The following BNC2 variants were observed in gnomAD, a reference collection of about 807,000 sequenced individuals.
The protein encoded by BNC2 is zinc finger protein basonuclin-2.
BNC2 carries 20 observed loss-of-function variants against 76.3 expected under a neutral mutation model. The ratio of observed to expected loss-of-function variants is 0.26; its 90% CI spans 0.18 to 0.38. The LOEUF is 0.38. BNC2 is among the 10% of genes least tolerant of loss of function. The pLI is 1.00. For synonymous variants in BNC2, 582 were observed against 514.8 expected (o/e 1.13, Z -1.77); for missense variants, 1,382 against 1,399.8 (o/e 0.99, Z 0.20).
At chr9:16,549,816 A>C (rs1463448992) in intron 5 of BNC2, among the ~76,000 whole-genome samples, 1 of 152,172 alleles carries the variant, frequency 6.6e-6, no homozygotes, top group Non-Finnish European at 1.5e-5. Flanking sequence ...TAAATGCTGA[A>C]TGACAAAAAC....
At chr9:16,669,680 C>A (rs1439616883) in intron 3 of BNC2, among the ~76,000 whole-genome samples, 1 of 152,188 alleles carries the variant, frequency 6.6e-6, no homozygotes, top group Admixed American at 6.5e-5. Context: ...GTGTTCCTTC[C>A]ATCTACCTGC....
intron 1 of BNC2, among the ~76,000 whole-genome samples, chr9:16,804,872 G>C (rs1012640743): frequency 6.6e-6 from 1 of 152,120 alleles, no homozygotes; most frequent in East Asian, 1.9e-4. Flanking sequence ...GACCAGCCTG[G>C]CCAATACAGT....
At chr9:16,492,668 G>T (rs1365166854) in intron 5 of BNC2, among the ~76,000 whole-genome samples, 1 of 151,640 alleles carries the variant, frequency 6.6e-6, no homozygotes, top group African/African-American at 2.4e-5. Flanking sequence ...TACAGGTTAT[G>T]CATCGAATAA....
chr9:16,490,373 G>T (rs982426436), intron 5 of BNC2, among the ~76,000 whole-genome samples: 1 of 152,018 alleles, frequency 6.6e-6, no homozygotes, highest in African/African-American at 2.4e-5. Context: ...GGAACGACCA[G>T]CCCCCATGAT....
At chr9:16,751,664 ATGTATGTG>A (rs1825209164) in intron 1 of BNC2, among the ~76,000 whole-genome samples, 5 of 76,594 alleles carry the variant, frequency 6.5e-5, no homozygotes, top group East Asian at 3.8e-4. Flanking sequence ...ATATATATGT[ATGTATGTG>A]TATATATATA....
intron 5 of BNC2, among the ~76,000 whole-genome samples, chr9:16,455,714 C>CCT (rs1821433580): frequency 6.6e-6 from 1 of 151,974 alleles, no homozygotes; most frequent in Non-Finnish European, 1.5e-5. Flanking sequence ...ATCGCTTGAA[C>CCT]CCAGGAGATG....
chr9:16,755,858 G>A (rs556064340), intron 1 of BNC2, among the ~76,000 whole-genome samples: 2 of 152,216 alleles, frequency 1.3e-5, no homozygotes, highest in South Asian at 2.1e-4. Context: ...ATCCTTCTCC[G>A]CTTTTCTTAG....
At chr9:16,653,995 G>C (rs181803260) in intron 3 of BNC2, among the ~76,000 whole-genome samples, 19 of 151,986 alleles carry the variant, frequency 1.3e-4, no homozygotes, top group Middle Eastern at 3.4e-3. Flanking sequence ...GTACAGAGGC[G>C]GGTGTTCTAC....
In BNC2 at chr9:16,593,697, G is replaced by A. The variant is rs192517005; in HGVS notation, c.331-10612C>T. Among the ~76,000 whole-genome samples, 14 of 151,896 alleles carry A rather than the reference G, an allele frequency of 9.2e-5. No homozygotes were observed. The East Asian group carries it at 2.7e-3, about 29-fold the overall frequency. ...TAACAATTAAGATACTCCATTTATT[G>A]CCTGTATACTTACAAATTTTACAGG... On this transcript the variant is annotated intron_variant, in intron 3 of 6. Coordinates refer to ENST00000380672, the MANE Select transcript of BNC2 (RefSeq NM_017637.6).
At chr9:16,603,779 G>C (rs1238295308) in intron 3 of BNC2, among the ~76,000 whole-genome samples, 1 of 151,820 alleles carries the variant, frequency 6.6e-6, no homozygotes, top group African/African-American at 2.4e-5. Context: ...CATAACCTTG[G>C]CTGATTTTAT....
At chr9:16,711,427 G>C (rs887373606) in intron 3 of BNC2, among the ~76,000 whole-genome samples, 2 of 152,126 alleles carry the variant, frequency 1.3e-5, no homozygotes, top group Non-Finnish European at 2.9e-5. Context: ...CACTTAAAAA[G>C]TTTTTGAAAG....
chr9:16,587,747 A>G (rs998978771), intron 3 of BNC2, among the ~76,000 whole-genome samples: 4 of 152,028 alleles, frequency 2.6e-5, no homozygotes, highest in Non-Finnish European at 1.5e-5. Flanking sequence ...CTCAATCCCT[A>G]CTTCTCCAAC....
At chr9:16,573,655 C>G (rs1419650438) in intron 4 of BNC2, among the ~76,000 whole-genome samples, 1 of 152,094 alleles carries the variant, frequency 6.6e-6, no homozygotes, top group South Asian at 2.1e-4. Context: ...CCCATGAGGT[C>G]AAAGTGGGGA....
intron 5 of BNC2, among the ~76,000 whole-genome samples, chr9:16,487,834 G>A (rs774029164): frequency 6.6e-6 from 1 of 152,112 alleles, no homozygotes; most frequent in Non-Finnish European, 1.5e-5. Context: ...TCTCTTCCTC[G>A]AATGTCTGTG....
intron 3 of BNC2, among the ~76,000 whole-genome samples, chr9:16,611,003 C>G (rs557004252): frequency 6.6e-6 from 1 of 152,008 alleles, no homozygotes; most frequent in African/African-American, 2.4e-5. Flanking sequence ...AGCATGAAAA[C>G]AATTTATGAA....
rs781688344 is a variant in BNC2 at position 16,435,638 on chromosome 9, G to A, written c.2556C>T (p.Tyr852=). 9.9e-6 allele frequency: 16 copies of A among 1,613,996 alleles called. No individual in the cohort carries two copies. Among genetic ancestry groups the A allele is most frequent in the Non-Finnish European group, 1.4e-5 (16 of 1,180,022 alleles). The part of the protein sequence containing the change: ...FKSSYSVKLH[Y]RNVHLKEMHV... The stretch of plus-strand genomic sequence containing the variant: ...GCATCTCTTTCAAGTGAACGTTCCT[G>A]TAGTGAAGTTTCACACTGTAGGAGC... Residue 852 remains tyrosine (Y), a synonymous_variant, in exon 6 of 7, where the codon TAC becomes TAT. Coordinates refer to ENST00000380672, the MANE Select transcript of BNC2 (RefSeq NM_017637.6).
chr9:16,780,658 C>A, intron 1 of BNC2, among the ~76,000 whole-genome samples: 1 of 152,000 alleles, frequency 6.6e-6, no homozygotes, highest in Middle Eastern at 3.4e-3. Flanking sequence ...GCTTTTTTAA[C>A]ACTTATTGGT....
chr9:16,582,756 G>A (rs557891212), intron 4 of BNC2, among the ~76,000 whole-genome samples: 2 of 152,280 alleles, frequency 1.3e-5, no homozygotes, highest in Non-Finnish European at 2.9e-5. Context: ...TAAACATCTT[G>A]GCCTTCTGCT....
chr9:16,599,005 T>G (rs1477714761), intron 3 of BNC2, among the ~76,000 whole-genome samples: 1 of 152,224 alleles, frequency 6.6e-6, no homozygotes, highest in African/African-American at 2.4e-5. Context: ...CAAGGACATG[T>G]AAAACTTTAG....
Sources: allele counts gnomAD v4.1 joint callset (sites outside exome capture counted in the v4.1 genomes callset), GRCh38; gene constraint gnomAD v4.1.1; transcripts MANE v1.5; gene names NCBI Gene and HGNC (gene_info 2026-07-23, HGNC 2026-07-21).